KPNA7: variants seen among roughly 807,000 people sequenced by gnomAD.
KPNA7 encodes the protein importin subunit alpha-8.
A neutral mutation model predicts 53.7 loss-of-function variants in KPNA7; 54 were observed. That is an observed-to-expected ratio of 1.01 (90% CI 0.81 to 1.26). KPNA7 has a LOEUF of 1.26. KPNA7 is among the 50% of genes most tolerant of loss of function. KPNA7 has a pLI of 0.00. For synonymous variants in KPNA7, 276 were observed against 259.3 expected, an observed-to-expected ratio of 1.06 and a Z score of -0.62; for missense variants, 640 against 644.5, an observed-to-expected ratio of 0.99 and a Z score of 0.07.
intron 5 of KPNA7, among the ~76,000 whole-genome samples, chr7:99,194,308 G>A (rs949334357): frequency 6.6e-6 from 1 of 152,154 alleles, no homozygotes. Context: ...CACTTTCAGG[G>A]AAGGCTTGTT....
chr7:99,173,315 C>T (rs1369241807), downstream of KPNA7, among the ~76,000 whole-genome samples: 2 of 152,090 alleles, frequency 1.3e-5, no homozygotes, highest in African/African-American at 4.8e-5. Flanking sequence ...CCTCAGCCTC[C>T]CAAATAGCTG....
chr7:99,150,004 G>T, the KPNA7 span, among the ~76,000 whole-genome samples: 1 of 152,016 alleles, frequency 6.6e-6, no homozygotes, highest in Non-Finnish European at 1.5e-5. Context: ...TCACCATGTT[G>T]GCCAGGCTGG....
intron 7 of KPNA7, among the ~76,000 whole-genome samples, chr7:99,186,179 A>G (rs1789579340): frequency 6.6e-6 from 1 of 152,196 alleles, no homozygotes; most frequent in South Asian, 2.1e-4. Flanking sequence ...TGAGATCTCA[A>G]TGCCATTTCC....
At position 99,207,409 on chromosome 7, in the gene KPNA7, C is replaced by A. The variant is rs1287831926; in HGVS notation, c.58G>T (p.Asp20Tyr). The part of the protein sequence containing the change: ...RRRKFKYRGK[D>Y]VSLRRQQRMA... ...GGGTGCTTCATACTCACAGACACAT[C>A]TTTGCCTCGGTACTTAAATTTTCTC... Residue 20 changes from aspartate (D) to tyrosine (Y), a missense_variant, in exon 2 of 11, where the codon GAT becomes TAT. By Grantham distance (160) the Asp-to-Tyr change is radical (BLOSUM62 -3). Transcript: ENST00000327442. 1 of 1,551,304 alleles carries A rather than the reference C, an allele frequency of 6.4e-7. No individual in the cohort carries two copies. Among genetic ancestry groups the A allele is most frequent in the East Asian group, 2.4e-5 (1 of 40,926 alleles).
intron 1 of KPNA7, among the ~76,000 whole-genome samples, chr7:99,213,778 T>C (rs1563093768): frequency 2.6e-5 from 4 of 152,058 alleles, no homozygotes; most frequent in African/African-American, 9.7e-5. Context: ...ACTCAGCTAA[T>C]GTTTTCATTT....
intron 10 of KPNA7, among the ~76,000 whole-genome samples, chr7:99,175,033 A>AC (rs1208859957): frequency 6.6e-6 from 1 of 151,520 alleles, no homozygotes; most frequent in African/African-American, 2.4e-5. Flanking sequence ...CTGGTCTCGA[A>AC]CTCCTGACCT....
At chr7:99,176,379 A>AC (rs1423798569) in intron 10 of KPNA7, among the ~76,000 whole-genome samples, 1 of 151,912 alleles carries the variant, frequency 6.6e-6, no homozygotes, top group Non-Finnish European at 1.5e-5. Flanking sequence ...ATGAGATACC[A>AC]CTTTATACCC....
At chr7:99,162,692 T>G in the KPNA7 span, among the ~76,000 whole-genome samples, 1 of 152,174 alleles carries the variant, frequency 6.6e-6, no homozygotes, top group Non-Finnish European at 1.5e-5. Flanking sequence ...CCAACAAGGT[T>G]AGATCACTCG....
rs1440910864 is a variant in KPNA7 at position 99,203,205 on chromosome 7, C to T, written c.102G>A (p.Glu34=). The T allele has an allele frequency of 1.9e-6, 3 of 1,551,696 alleles. No homozygotes were observed. Among genetic ancestry groups the T allele is most frequent in the Non-Finnish European group, 2.6e-6 (3 of 1,146,936 alleles). The change falls in exon 3 of 11, where the codon GAG becomes GAA. Residue 34 remains glutamate, a synonymous_variant. Coordinates refer to ENST00000327442, the MANE Select transcript of KPNA7 (RefSeq NM_001145715.3). The stretch of plus-strand genomic sequence containing the variant: ...GTTCATCTTTCTTGGCCTTTCGGAG[C>T]TCCAGACTGACCGCCATCCTCTGCT... ...RRQQRMAVSL[E]LRKAKKDEQT...
chr7:99,200,210 G>A (rs931831588), intron 3 of KPNA7, among the ~76,000 whole-genome samples: 2 of 151,716 alleles, frequency 1.3e-5, no homozygotes, highest in Non-Finnish European at 2.9e-5. Flanking sequence ...GCTAATTTTC[G>A]TATTTTTCGT....
At chr7:99,190,670 G>GTTTTT (rs768586879) in intron 6 of KPNA7, among the ~76,000 whole-genome samples, 87 of 145,492 alleles carry the variant, frequency 6.0e-4, no homozygotes, top group South Asian at 2.2e-3. Flanking sequence ...TTTTTTTTTG[G>GTTTTT]GGGGAGACAG....
At chr7:99,176,000 T>A (rs1798883858) in intron 10 of KPNA7, among the ~76,000 whole-genome samples, 1 of 152,074 alleles carries the variant, frequency 6.6e-6, no homozygotes, top group Admixed American at 6.6e-5. Flanking sequence ...GTTGCCTTCC[T>A]CATATGAAAA....
chr7:99,182,959 T>C (rs755771200), intron 8 of KPNA7, among the ~76,000 whole-genome samples: 48 of 152,032 alleles, frequency 3.2e-4, no homozygotes, highest in Non-Finnish European at 1.6e-4. Flanking sequence ...AGAAAGACCA[T>C]TGAAATATCG....
chr7:99,167,807 A>T, the KPNA7 span, among the ~76,000 whole-genome samples: 2 of 151,508 alleles, frequency 1.3e-5, no homozygotes, highest in Non-Finnish European at 2.9e-5. Flanking sequence ...ATGCCTGATG[A>T]TCTGTCACTA....
chr7:99,201,419 T>C (rs1246570305), intron 3 of KPNA7, among the ~76,000 whole-genome samples: 2 of 151,630 alleles, frequency 1.3e-5, no homozygotes, highest in Non-Finnish European at 1.5e-5. Flanking sequence ...AACCCAGCAC[T>C]TCGGGAGGCT....
chr7:99,177,318 G>A (rs375892792), intron 10 of KPNA7, among the ~76,000 whole-genome samples: 2 of 152,098 alleles, frequency 1.3e-5, no homozygotes, highest in African/African-American at 2.4e-5. Context: ...GGTGGCTCAC[G>A]CCTGTGATCC....
At chr7:99,209,790 T>C (rs1489250205), upstream of KPNA7, among the ~76,000 whole-genome samples, 1 of 150,942 alleles carries the variant, frequency 6.6e-6, no homozygotes, top group Non-Finnish European at 1.5e-5. Context: ...GAGACTTGCT[T>C]AAGGCCAGGT....
At chr7:99,162,346 G>C in the KPNA7 span, among the ~76,000 whole-genome samples, 2 of 152,084 alleles carry the variant, frequency 1.3e-5, no homozygotes, top group African/African-American at 4.8e-5. Flanking sequence ...GCCCAGCTGA[G>C]AATTGCATTC....
intron 2 of KPNA7, among the ~76,000 whole-genome samples, chr7:99,206,090 C>T (rs949589641): frequency 1.3e-5 from 2 of 152,180 alleles, no homozygotes; most frequent in East Asian, 1.9e-4. Context: ...GCCTCATTGA[C>T]GTGAGCAGCT....
Sources: allele counts gnomAD v4.1 joint callset (sites outside exome capture counted in the v4.1 genomes callset), GRCh38; gene constraint gnomAD v4.1.1; transcripts MANE v1.5; gene names NCBI Gene and HGNC (gene_info 2026-07-23, HGNC 2026-07-21).